Variants in BMP2K observed in about 807,000 individuals in gnomAD.
The protein encoded by BMP2K is BMP-2-inducible protein kinase.
A neutral mutation model predicts 116.0 loss-of-function variants in BMP2K; 74 were observed. That is an observed-to-expected ratio of 0.64 (90% CI 0.53 to 0.77). The LOEUF is 0.77. Among genes scored for constraint, BMP2K ranks in the 30% least tolerant of loss-of-function variants. The pLI, the probability that BMP2K is intolerant of heterozygous loss-of-function variation, is 0.00. For synonymous variants in BMP2K, 486 were observed against 502.5 expected (o/e 0.97, Z 0.44); for missense variants, 1,365 against 1,403.6 (o/e 0.97, Z 0.44).
At chr4:78,858,730 T>C (rs1172334441) in intron 7 of BMP2K, among the ~76,000 whole-genome samples, 1 of 151,938 alleles carries the variant, frequency 6.6e-6, no homozygotes, top group African/African-American at 2.4e-5. Context: ...TCTAATTCTT[T>C]AAATTTTACA....
intron 1 of BMP2K, among the ~76,000 whole-genome samples, chr4:78,794,310 A>G (rs1056107752): frequency 5.3e-5 from 8 of 152,192 alleles, no homozygotes; most frequent in African/African-American, 1.7e-4. Flanking sequence ...AAGTTTTAAC[A>G]GACCGTCATT....
intron 1 of BMP2K, among the ~76,000 whole-genome samples, chr4:78,786,718 A>T (rs1727750186): frequency 1.3e-5 from 2 of 152,030 alleles, no homozygotes; most frequent in Admixed American, 6.6e-5. Flanking sequence ...CTTTTTTGTA[A>T]TCTTTATTTT....
intron 15 of BMP2K, among the ~76,000 whole-genome samples, chr4:78,901,128 G>A (rs761270138): frequency 2.0e-5 from 3 of 152,008 alleles, no homozygotes; most frequent in South Asian, 2.1e-4. Flanking sequence ...ACTACAGCCC[G>A]GACCTCTTGG....
intron 14 of BMP2K, among the ~76,000 whole-genome samples, chr4:78,884,568 T>C (rs1162211464): frequency 6.6e-6 from 1 of 152,192 alleles, no homozygotes; most frequent in South Asian, 2.1e-4. Context: ...CCCTTGGATA[T>C]TGACATGCTG....
chr4:78,881,958 A>G (rs1368957928), intron 14 of BMP2K, among the ~76,000 whole-genome samples: 3 of 152,040 alleles, frequency 2.0e-5, no homozygotes. Flanking sequence ...GTCTTTTCTA[A>G]AATAATTTAT....
intron 3 of BMP2K, among the ~76,000 whole-genome samples, chr4:78,838,185 T>C (rs1477653950): frequency 6.6e-6 from 1 of 152,166 alleles, no homozygotes; most frequent in Non-Finnish European, 1.5e-5. Context: ...CATCCCTTTT[T>C]AAAACCATCG....
Position 78,842,452 on chromosome 4 carries a change from G to C in BMP2K, c.471G>C (p.Gln157His). The change falls in exon 4 of 16, where the codon CAG (glutamine) becomes CAC (histidine). Residue 157 changes from glutamine (Q) to histidine (H), a missense_variant. This residue lies in a region of BMP2K where 762 missense variants were observed against 756.7 expected (regional missense o/e 1.01). Transcript: ENST00000502613. ...GTTTTACAGAACCAGAAGTGTTACA[G>C]ATATTCTGTGATACCTGTGAAGCTG... ...QTGFTEPEVL[Q>H]IFCDTCEAVA... The C allele has an allele frequency of 6.2e-7, 1 of 1,608,874 alleles. No homozygotes were observed. Among genetic ancestry groups the C allele is most frequent in the Non-Finnish European group, 8.5e-7 (1 of 1,176,310 alleles).
intron 1 of BMP2K, among the ~76,000 whole-genome samples, chr4:78,785,122 T>C (rs1448187071): frequency 6.6e-6 from 1 of 152,188 alleles, no homozygotes. Context: ...TTTTATTTTA[T>C]TTTTTCAAGA....
Position 78,871,018 on chromosome 4 carries a change from C to T in BMP2K, c.1467C>T (p.His489=), listed in dbSNP as rs749102729. ...AGCAGCAGCAGCAGCAGCACCACCA[C>T]CACCACCACCACCACCTACTTCAAG... ...QQQQQQQQHH[H]HHHHHLLQDA... is the part of the protein sequence containing the mutation. Residue 489 remains histidine, a synonymous_variant, in exon 11 of 16, where the codon CAC becomes CAT. Transcript: ENST00000502613. The T allele has an allele frequency of 6.2e-7, 1 of 1,606,064 alleles. No homozygotes were observed. Among genetic ancestry groups the T allele is most frequent in the East Asian group, 2.2e-5 (1 of 44,772 alleles).
intron 11 of BMP2K, 103 bp from the exon 12 acceptor site, chr4:78,871,746 TG>T: frequency 1.5e-6 from 1 of 651,092 alleles, no homozygotes; most frequent in Non-Finnish European, 2.7e-6. Flanking sequence ...TATTGATGTT[TG>T]GACTACTGAT....
chr4:78,799,368 C>A (rs565956154), intron 1 of BMP2K, among the ~76,000 whole-genome samples: 1 of 151,706 alleles, frequency 6.6e-6, no homozygotes. Flanking sequence ...TATGTAAATA[C>A]CCTTGCATTA....
intron 10 of BMP2K, among the ~76,000 whole-genome samples, chr4:78,869,286 ATT>A (rs200543814): frequency 6.8e-6 from 1 of 147,270 alleles, no homozygotes; most frequent in Admixed American, 6.8e-5. Flanking sequence ...CCCCTTTGTG[ATT>A]TTTTTTTTTA....
rs376916675 is a variant in BMP2K at position 78,810,854 on chromosome 4, AG to A, written c.179-15180del. Among the ~76,000 whole-genome samples, 93 of 152,284 alleles carry A rather than the reference AG, an allele frequency of 6.1e-4. 3 individuals carry two copies. In the East Asian group the frequency reaches 0.017, roughly 28 times the overall value. ...TGTTACAAGGCTTTAGCTAATTTCT[AG>A]GGTTGTGAAAAAGTTGATTTTGACA... On this transcript the variant is annotated intron_variant, in intron 1 of 15. Coordinates refer to ENST00000502613, the MANE Select transcript of BMP2K (RefSeq NM_198892.2).
intron 1 of BMP2K, among the ~76,000 whole-genome samples, chr4:78,817,788 T>C (rs900145112): frequency 6.6e-6 from 1 of 152,110 alleles, no homozygotes; most frequent in African/African-American, 2.4e-5. Context: ...TAACCTCTAG[T>C]TGGTTTTCTG....
At chr4:78,845,306 T>C (rs1010164602) in intron 5 of BMP2K, among the ~76,000 whole-genome samples, 5 of 151,724 alleles carry the variant, frequency 3.3e-5, no homozygotes, top group African/African-American at 1.2e-4. Flanking sequence ...ATTAGTGAAA[T>C]TGTTAAAGGG....
intron 8 of BMP2K, chr4:78,860,119 G>GTTA (rs1731702068): frequency 4.0e-6 from 2 of 498,600 alleles, no homozygotes; most frequent in Non-Finnish European, 7.9e-6. Flanking sequence ...CACAGGCCTT[G>GTTA]TTAAGTGGGA....
chr4:78,907,758 A>T (rs756992220), intron 15 of BMP2K, among the ~76,000 whole-genome samples: 1 of 152,118 alleles, frequency 6.6e-6, no homozygotes, highest in Non-Finnish European at 1.5e-5. Flanking sequence ...GAGACCACAG[A>T]ACTGTTTGTC....
chr4:78,887,024 A>G, intron 14 of BMP2K, 150 bp from the exon 15 acceptor site: 2 of 588,076 alleles, frequency 3.4e-6, no homozygotes, highest in South Asian at 4.5e-5. Context: ...ACTACTCCCT[A>G]ATACTTACAG....
intron 6 of BMP2K, 81 bp downstream of exon 6, chr4:78,847,350 C>A: frequency 1.0e-6 from 1 of 985,940 alleles, no homozygotes; most frequent in Non-Finnish European, 1.4e-6. Context: ...CTCTGCTCCC[C>A]AAAAGGCATT....
Sources: allele counts gnomAD v4.1 joint callset (sites outside exome capture counted in the v4.1 genomes callset), GRCh38; gene constraint gnomAD v4.1.1; regional missense constraint gnomAD v4.1.1; transcripts MANE v1.5; gene names NCBI Gene and HGNC (gene_info 2026-07-23, HGNC 2026-07-21).